TMEM167B: variants seen among roughly 807,000 people sequenced by gnomAD.
TMEM167B encodes transmembrane protein 167B.
Under a neutral mutation model 9.4 loss-of-function variants are expected in TMEM167B, and 2 were observed. That is an observed-to-expected ratio of 0.21 (90% CI 0.09 to 0.67). TMEM167B has a LOEUF of 0.67. Among genes scored for constraint, TMEM167B ranks in the 30% least tolerant of loss-of-function variants. The pLI, the probability that TMEM167B is intolerant of heterozygous loss-of-function variation, is 0.82. For missense variants in TMEM167B, 68 were observed against 87.6 expected (o/e 0.78, Z 0.89); for synonymous variants, 28 against 32.0 (o/e 0.87, Z 0.42).
chr1:109,092,869 C>A (rs750934824), intron 1 of TMEM167B, 21 bp from the exon 2 acceptor site: 2 of 1,613,194 alleles, frequency 1.2e-6, no homozygotes, highest in Admixed American at 1.7e-5. Flanking sequence ...CTAAGGTTTT[C>A]TTTTCTTCTT....
rs1042314605 is a variant in TMEM167B, at chr1:109,094,860, T to G, written c.*361T>G. 4 of 192,088 alleles carry G rather than the reference T, an allele frequency of 2.1e-5. No homozygotes were observed. Among genetic ancestry groups the G allele is most frequent in the African/African-American group, 9.4e-5 (4 of 42,442 alleles). The allele number at this position is 192,088 out of a possible 1,614,324, so 11.9% of individuals were successfully genotyped here. ...CAGGATCTTTTCAAACTGAGGCTCA[T>G]TAGGGAAGGAACTAGGCTGTGTTCA... is the stretch of plus-strand genomic sequence containing the variant. On this transcript the variant is annotated 3_prime_UTR_variant, in exon 3 of 3. Coordinates refer to ENST00000338272, the MANE Select transcript of TMEM167B (RefSeq NM_020141.4).
chr1:109,091,433 G>A (rs1480625085), intron 1 of TMEM167B, among the ~76,000 whole-genome samples: 1 of 152,188 alleles, frequency 6.6e-6, no homozygotes, highest in Non-Finnish European at 1.5e-5. Context: ...GTTGCAAAGG[G>A]TGGATTTAGA....
At chr1:109,091,029 C>T (rs956744738) in intron 1 of TMEM167B, 147 bp downstream of exon 1, 10 of 914,200 alleles carry the variant, frequency 1.1e-5, no homozygotes, top group Non-Finnish European at 1.6e-5. Flanking sequence ...TTCTGTACCC[C>T]TATACTCCTC....
At chr1:109,092,412 C>T (rs920611730) in intron 1 of TMEM167B, among the ~76,000 whole-genome samples, 2 of 152,118 alleles carry the variant, frequency 1.3e-5, no homozygotes, top group African/African-American at 4.8e-5. Context: ...TGATTTATAA[C>T]AAGAACATGT....
Position 109,095,862 on chromosome 1 carries a change from A to C in TMEM167B, c.*1363A>C, listed in dbSNP as rs887385542. 1 of 152,224 alleles carries C rather than the reference A, an allele frequency of 6.6e-6. No homozygotes were observed. The highest frequency in any genetic ancestry group is 2.4e-5 in the African/African-American group (1 of 41,462). 9.4% of individuals were successfully genotyped at this position (152,224 alleles called of 1,614,324 possible). A position where few individuals can be genotyped will look rare whatever the true frequency, so the allele number is the denominator to read the frequency against. ...AGGAAGACTTCTCCATTCCCTGCTT[A>C]TATCTATGGAAGGATCAGCTGTTGG... On this transcript the variant is annotated 3_prime_UTR_variant, in exon 3 of 3. Transcript: ENST00000338272.
chr1:109,090,826 A>G lies in TMEM167B; in HGVS notation c.-47A>G, dbSNP rs751886583. On this transcript the variant is annotated 5_prime_UTR_variant, in exon 1 of 3. Coordinates refer to ENST00000338272, the MANE Select transcript of TMEM167B (RefSeq NM_020141.4). ...CGGGCGCTCCCCCATCTCCGCCGCT[A>G]TTACCACTGAACCCGGACCCCCTAC... 63 of 1,572,972 alleles carry G rather than the reference A, an allele frequency of 4.0e-5. No individual in the cohort carries two copies. The highest frequency in any genetic ancestry group is 5.4e-5 in the Non-Finnish European group (62 of 1,158,876).
rs1253022996 is a variant in TMEM167B, at chr1:109,096,748, C to CCT, written c.*2252_*2253dup. ...TGACTAAAAGTTATAGAATGTTATT[C>CCT]CTCTGGGGGAATCTTTTACAGGTGG... is the stretch of plus-strand genomic sequence containing the variant. On this transcript the variant is annotated 3_prime_UTR_variant, in exon 3 of 3. Transcript: ENST00000338272. The CCT allele has an allele frequency of 3.3e-5, 5 of 152,078 alleles. No homozygotes were observed. The highest frequency in any genetic ancestry group is 3.3e-4 in the Admixed American group (5 of 15,266). The allele number at this position is 152,078 out of a possible 1,614,324, so 9.4% of individuals were successfully genotyped here. A position where few individuals can be genotyped will look rare whatever the true frequency, so the allele number is the denominator to read the frequency against.
chr1:109,091,965 G>T (rs527983955), intron 1 of TMEM167B, among the ~76,000 whole-genome samples: 2 of 152,192 alleles, frequency 1.3e-5, no homozygotes, highest in South Asian at 4.1e-4. Flanking sequence ...CCCAGAGGAA[G>T]ACAGAATCTG....
At position 109,094,340 on chromosome 1, in the gene TMEM167B, G is replaced by C. The variant is rs987128457; in HGVS notation, c.143-77G>C. The C allele has an allele frequency of 5.7e-5, 81 of 1,426,856 alleles. No homozygotes were observed. In the African/African-American group the frequency reaches 9.7e-4, roughly 17 times the overall value. The allele number at this position is 1,426,856 out of a possible 1,614,324, so 88.4% of individuals were successfully genotyped here. A position where few individuals can be genotyped will look rare whatever the true frequency, so the allele number is the denominator to read the frequency against. Reference sequence around the variant, plus strand: ...GTTGATATGTCTGTCTGTGACTAGAGACTTCAAAATATCACCTTGAAAGTG... The same window carrying C: ...GTTGATATGTCTGTCTGTGACTAGACACTTCAAAATATCACCTTGAAAGTG... On this transcript the variant is annotated intron_variant, in intron 2 of 2. Transcript: ENST00000338272.
At position 109,094,833 on chromosome 1, in the gene TMEM167B, A is replaced by C. The variant is rs1664531786; in HGVS notation, c.*334A>C. ...ATCCTGTTTTGTTCTTCAGCTCCTCATCAGGATCTTTTCAAACTGAGGCTC... is the reference window on the plus strand; with the variant it reads ...ATCCTGTTTTGTTCTTCAGCTCCTCCTCAGGATCTTTTCAAACTGAGGCTC... On this transcript the variant is annotated 3_prime_UTR_variant, in exon 3 of 3. Transcript: ENST00000338272. The C allele has an allele frequency of 4.5e-6, 1 of 219,794 alleles. No homozygotes were observed. The highest frequency in any genetic ancestry group is 2.3e-5 in the African/African-American group (1 of 43,208). The allele number at this position is 219,794 out of a possible 1,614,324, so 13.6% of individuals were successfully genotyped here. A position where few individuals can be genotyped will look rare whatever the true frequency, so the allele number is the denominator to read the frequency against.
In TMEM167B at chr1:109,094,846, C is replaced by G. The variant is rs1664532129; in HGVS notation, c.*347C>G. Reference sequence around the variant, plus strand: ...CTTCAGCTCCTCATCAGGATCTTTTCAAACTGAGGCTCATTAGGGAAGGAA... The same window carrying G: ...CTTCAGCTCCTCATCAGGATCTTTTGAAACTGAGGCTCATTAGGGAAGGAA... On this transcript the variant is annotated 3_prime_UTR_variant, in exon 3 of 3. Transcript: ENST00000338272. The G allele has an allele frequency of 4.9e-6, 1 of 203,718 alleles. No homozygotes were observed. The allele number at this position is 203,718 out of a possible 1,614,324, so 12.6% of individuals were successfully genotyped here.
chr1:109,092,846 G>C lies in TMEM167B; in HGVS notation c.11-44G>C, dbSNP rs199770754. 3.1e-6 allele frequency: 5 copies of C among 1,607,302 alleles called. No individual in the cohort carries two copies. In the South Asian group the frequency reaches 3.3e-5, roughly 11 times the overall value. On this transcript the variant is annotated intron_variant, in intron 1 of 2. Coordinates refer to ENST00000338272, the MANE Select transcript of TMEM167B (RefSeq NM_020141.4). ...TCTCAGGCGGGATCACAGGTCCGAC[G>C]CTAGATCAGTACCTAAGGTTTTCTT... is the stretch of plus-strand genomic sequence containing the variant.
intron 1 of TMEM167B, chr1:109,091,626 C>T (rs1222814801): frequency 6.6e-6 from 1 of 152,176 alleles, no homozygotes; most frequent in African/African-American, 2.4e-5. Context: ...TGAGGGGCTC[C>T]GGAAAGCATT....
chr1:109,093,774 T>C (rs1664506782), intron 2 of TMEM167B: 1 of 152,226 alleles, frequency 6.6e-6, no homozygotes, highest in East Asian at 1.9e-4. Flanking sequence ...AAATTTTTTT[T>C]TGAAAAAGGA....
At chr1:109,093,332 A>G (rs1240480702) in intron 2 of TMEM167B, 7 of 254,862 alleles carry the variant, frequency 2.7e-5, no homozygotes, top group Non-Finnish European at 4.6e-5. Flanking sequence ...TTTCTACAAA[A>G]TATACAAAAA....
Position 109,090,805 on chromosome 1 carries a change from C to T in TMEM167B, c.-68C>T. On this transcript the variant is annotated 5_prime_UTR_variant, in exon 1 of 3. Transcript: ENST00000338272. ...CCCGGATCGGGAAGTGTCAAGCGGG[C>T]GCTCCCCCATCTCCGCCGCTATTAC... is the stretch of plus-strand genomic sequence containing the variant. The T allele has an allele frequency of 2.6e-6, 4 of 1,548,738 alleles. No individual in the cohort carries two copies. The highest frequency in any genetic ancestry group is 1.9e-5 in the Admixed American group (1 of 51,642).
intron 1 of TMEM167B, chr1:109,091,723 T>C (rs746794103): frequency 1.3e-5 from 2 of 152,242 alleles, no homozygotes; most frequent in South Asian, 2.1e-4. Context: ...CAGAAACTTA[T>C]GAGAGAAAAG....
rs1033305766 is a variant in TMEM167B, at chr1:109,095,385, A to G, written c.*886A>G. 3.3e-5 allele frequency: 5 copies of G among 152,200 alleles called. No individual in the cohort carries two copies. Among genetic ancestry groups the G allele is most frequent in the African/African-American group, 1.2e-4 (5 of 41,456 alleles). The allele number at this position is 152,200 out of a possible 1,614,324, so 9.4% of individuals were successfully genotyped here. On this transcript the variant is annotated 3_prime_UTR_variant, in exon 3 of 3. Coordinates refer to ENST00000338272, the MANE Select transcript of TMEM167B (RefSeq NM_020141.4). ...GGAAAAAGAAACTATTGAAGAAATA[A>G]TTGTTTAGTATATTTGCAGTTGGGG...
chr1:109,094,197 T>G (rs943195569), intron 2 of TMEM167B, among the ~76,000 whole-genome samples: 1 of 152,140 alleles, frequency 6.6e-6, no homozygotes, highest in Admixed American at 6.5e-5. Context: ...GGAGAATTGC[T>G]TGAACCCGGG....
Sources: gnomAD v4.1 joint callset for allele counts (sites outside exome capture counted in the v4.1 genomes callset) on GRCh38, gnomAD v4.1.1 for gene constraint, MANE v1.5 for transcripts, NCBI Gene and HGNC (gene_info 2026-07-23, HGNC 2026-07-21) for gene names.